The following ZNF148 variants were observed in gnomAD, a reference collection of about 807,000 sequenced individuals.
ZNF148 encodes zinc finger protein 148.
In ZNF148, 7 loss-of-function variants were observed where a neutral mutation model predicts 67.7. The ratio of observed to expected loss-of-function variants is 0.10; its 90% CI spans 0.06 to 0.19. The LOEUF is 0.19. Among genes scored for constraint, ZNF148 ranks in the 10% least tolerant of loss-of-function variants. ZNF148 has a pLI of 1.00. For missense variants in ZNF148, 583 were observed against 947.1 expected (o/e 0.62, Z 5.05); for synonymous variants, 333 against 330.7 (o/e 1.01, Z -0.08).
At chr3:125,283,623 C>T (rs940827505) in intron 5 of ZNF148, among the ~76,000 whole-genome samples, 1 of 152,096 alleles carries the variant, frequency 6.6e-6, no homozygotes, top group African/African-American at 2.4e-5. Context: ...CATTTTCTTA[C>T]TATTCCATAC....
At chr3:125,313,270 T>C (rs773344868) in intron 4 of ZNF148, 38 bp downstream of exon 4, 11 of 1,524,074 alleles carry the variant, frequency 7.2e-6, no homozygotes, top group African/African-American at 1.4e-5. Context: ...CAAAAAATTA[T>C]GTTTCTAAGT....
chr3:125,351,939 T>C (rs1579879127), intron 1 of ZNF148, among the ~76,000 whole-genome samples: 2 of 152,182 alleles, frequency 1.3e-5, no homozygotes, highest in African/African-American at 4.8e-5. Flanking sequence ...ATACTGCTGA[T>C]AGAAATGTAA....
chr3:125,274,252 A>G (rs1483251896), intron 7 of ZNF148, among the ~76,000 whole-genome samples: 1 of 152,228 alleles, frequency 6.6e-6, no homozygotes, highest in South Asian at 2.1e-4. Context: ...AATTATAATT[A>G]TCTTCGACCT....
chr3:125,340,886 G>A (rs1443586828), intron 1 of ZNF148, among the ~76,000 whole-genome samples: 1 of 150,174 alleles, frequency 6.7e-6, no homozygotes, highest in Non-Finnish European at 1.5e-5. Context: ...TACTTGGGAG[G>A]CTGAGGCAGG....
At chr3:125,278,836 A>C (rs1040156151) in intron 6 of ZNF148, among the ~76,000 whole-genome samples, 10 of 152,198 alleles carry the variant, frequency 6.6e-5, no homozygotes, top group Non-Finnish European at 1.2e-4. Flanking sequence ...ACACTGATAA[A>C]CAGGCTTTTA....
chr3:125,293,017 T>G (rs1045573501), intron 4 of ZNF148, among the ~76,000 whole-genome samples: 2 of 152,236 alleles, frequency 1.3e-5, no homozygotes, highest in African/African-American at 4.8e-5. Flanking sequence ...TTTTTTGTTT[T>G]GGAAAACAGT....
chr3:125,240,490 G>A (rs758616211), intron 7 of ZNF148, among the ~76,000 whole-genome samples: 2 of 152,162 alleles, frequency 1.3e-5, no homozygotes, highest in Non-Finnish European at 2.9e-5. Flanking sequence ...TCAACCAGGT[G>A]TGCTGCCTCA....
intron 7 of ZNF148, among the ~76,000 whole-genome samples, chr3:125,240,740 G>A (rs1936312480): frequency 6.6e-6 from 1 of 151,120 alleles, no homozygotes; most frequent in South Asian, 2.1e-4. Context: ...TTCCAGCCTG[G>A]GTGACAAGTG....
chr3:125,263,149 T>G (rs1937416476), intron 7 of ZNF148, among the ~76,000 whole-genome samples: 1 of 152,264 alleles, frequency 6.6e-6, no homozygotes, highest in South Asian at 2.1e-4. Flanking sequence ...TAATTCCATT[T>G]TGAAACTATT....
At chr3:125,301,322 A>G (rs1939575761) in intron 4 of ZNF148, among the ~76,000 whole-genome samples, 1 of 152,182 alleles carries the variant, frequency 6.6e-6, no homozygotes, top group Admixed American at 6.5e-5. Flanking sequence ...GCGAGACCCC[A>G]TCACTATTAA....
intron 1 of ZNF148, among the ~76,000 whole-genome samples, chr3:125,341,316 TAA>T (rs35673839): frequency 1.2e-4 from 16 of 134,690 alleles, no homozygotes; most frequent in African/African-American, 2.1e-4. Flanking sequence ...CAGAAAAATT[TAA>T]AAAAAAAAAA....
At chr3:125,274,228 T>TA (rs1202316751) in intron 7 of ZNF148, among the ~76,000 whole-genome samples, 16 of 152,336 alleles carry the variant, frequency 1.1e-4, no homozygotes, top group Middle Eastern at 3.4e-3. Context: ...ATCCTGGCCC[T>TA]AAACAAAATG....
chr3:125,232,035 T>G lies in ZNF148; in HGVS notation c.*306A>C, dbSNP rs1701932373. The stretch of plus-strand genomic sequence containing the variant: ...TCCTAAGAATGTACAATGTTATCAG[T>G]TAGGAAACAATTGTGCGAAAGTCTT... On this transcript the variant is annotated 3_prime_UTR_variant, in exon 9 of 9. Transcript: ENST00000360647. The surrounding 1 kb of genome is among the most constrained non-coding windows in gnomAD (Gnocchi z 4.2). The G allele has an allele frequency of 3.2e-5, 8 of 247,078 alleles. 2 individuals carry two copies. The South Asian group carries it at 7.3e-4, about 23-fold the overall frequency. The allele number at this position is 247,078 out of a possible 1,614,324, so 15.3% of individuals were successfully genotyped here. A position where few individuals can be genotyped will look rare whatever the true frequency, so the allele number is the denominator to read the frequency against.
chr3:125,374,333 T>C (rs1168941227), intron 1 of ZNF148, among the ~76,000 whole-genome samples: 2 of 152,134 alleles, frequency 1.3e-5, no homozygotes, highest in Non-Finnish European at 2.9e-5. Context: ...TTATACTACA[T>C]CTGTCTATTC....
rs563728917 is a variant in ZNF148, at chr3:125,328,988, T to C, written c.-153+2170A>G. Among the ~76,000 whole-genome samples, 5 of 113,140 alleles carry C rather than the reference T, an allele frequency of 4.4e-5. No individual in the cohort carries two copies. The South Asian group carries it at 1.4e-3, about 31-fold the overall frequency. The allele number at this position is 113,140 out of a possible 152,430, so 74.2% of individuals were successfully genotyped here. A position where few individuals can be genotyped will look rare whatever the true frequency, so the allele number is the denominator to read the frequency against. On this transcript the variant is annotated intron_variant, in intron 2 of 8. Transcript: ENST00000360647. ...GTCCAATAATTTTTCCCTTCGGAAT[T>C]TATACTACTGATATATATATATATA... is the stretch of plus-strand genomic sequence containing the variant.
At chr3:125,293,994 A>G (rs926786147) in intron 4 of ZNF148, among the ~76,000 whole-genome samples, 3 of 152,200 alleles carry the variant, frequency 2.0e-5, no homozygotes, top group African/African-American at 7.2e-5. Context: ...TAATCACAGT[A>G]AAGAAGGATC....
At chr3:125,277,847 TA>T in intron 6 of ZNF148, 38 bp from the exon 7 acceptor site, 1 of 1,554,314 alleles carries the variant, frequency 6.4e-7, no homozygotes, top group Non-Finnish European at 8.8e-7. Flanking sequence ...AGTTACTGAA[TA>T]AAACAACGGT....
At chr3:125,308,738 C>G (rs1216315986) in intron 4 of ZNF148, among the ~76,000 whole-genome samples, 1 of 152,012 alleles carries the variant, frequency 6.6e-6, no homozygotes, top group South Asian at 2.1e-4. Context: ...TGAAAACCCA[C>G]AAGAAATAAG....
intron 4 of ZNF148, among the ~76,000 whole-genome samples, chr3:125,298,155 G>A (rs890878155): frequency 6.6e-6 from 1 of 152,144 alleles, no homozygotes; most frequent in African/African-American, 2.4e-5. Context: ...TGGGGTAGTA[G>A]TAATCTTTAG....
Sources: allele counts gnomAD v4.1 joint callset (sites outside exome capture counted in the v4.1 genomes callset), GRCh38; gene constraint gnomAD v4.1.1; non-coding constraint Gnocchi (gnomAD v3.1); transcripts MANE v1.5; gene names NCBI Gene and HGNC (gene_info 2026-07-23, HGNC 2026-07-21).